Variants in KHDRBS2 observed in about 807,000 individuals in gnomAD.
KHDRBS2 encodes the protein KH domain-containing, RNA-binding, signal transduction-associated protein 2.
A neutral mutation model predicts 44.3 loss-of-function variants in KHDRBS2; 26 were observed. The observed-to-expected ratio is 0.59, with a 90% CI of 0.43 to 0.81. The LOEUF is 0.81. KHDRBS2 is among the 40% of genes least tolerant of loss of function. The pLI, the probability that KHDRBS2 is intolerant of heterozygous loss-of-function variation, is 0.00. For synonymous variants in KHDRBS2, 194 were observed against 151.1 expected, an observed-to-expected ratio of 1.28 and a Z score of -2.08; for missense variants, 476 against 433.1, an observed-to-expected ratio of 1.10 and a Z score of -0.88.
chr6:62,107,468 T>C (rs1803722056), intron 2 of KHDRBS2, among the ~76,000 whole-genome samples: 1 of 151,998 alleles, frequency 6.6e-6, no homozygotes, highest in African/African-American at 2.4e-5. Context: ...GAAAGAACAT[T>C]CCATGCTCAT....
chr6:62,042,609 G>A lies in KHDRBS2; in HGVS notation c.336+5269C>T, dbSNP rs549913470. Among the ~76,000 whole-genome samples the A allele has an allele frequency of 2.0e-5, 3 of 152,196 alleles. No homozygotes were observed. In the South Asian group the frequency reaches 6.2e-4, roughly 32 times the overall value. On this transcript the variant is annotated intron_variant, in intron 3 of 8. Transcript: ENST00000281156. The stretch of plus-strand genomic sequence containing the variant: ...GAGACTATTATGCTGTTTGATGTTA[G>A]GCAGAGCCCAGAAGCCAGATGAGAG...
chr6:62,102,824 G>C (rs1222572633), intron 2 of KHDRBS2, among the ~76,000 whole-genome samples: 1 of 152,172 alleles, frequency 6.6e-6, no homozygotes, highest in Admixed American at 6.5e-5. Context: ...CACCCAGTAA[G>C]GAATGTGTTA....
intron 2 of KHDRBS2, among the ~76,000 whole-genome samples, chr6:62,125,698 C>T (rs1808797356): frequency 2.0e-5 from 3 of 152,126 alleles, no homozygotes; most frequent in Admixed American, 2.0e-4. Flanking sequence ...GGTCCTCATT[C>T]CAGGCACCAG....
chr6:62,080,066 A>C (rs1457398361), intron 2 of KHDRBS2, among the ~76,000 whole-genome samples: 3 of 152,046 alleles, frequency 2.0e-5, no homozygotes, highest in Admixed American at 6.6e-5. Context: ...TTAAATTGTA[A>C]TTATAAAATA....
chr6:62,187,796 T>C (rs181996902), intron 1 of KHDRBS2, among the ~76,000 whole-genome samples: 2 of 152,216 alleles, frequency 1.3e-5, no homozygotes, highest in East Asian at 1.9e-4. Context: ...CAATGCTGTA[T>C]TGTTAATTGT....
chr6:62,007,775 A>G (rs905678023), intron 3 of KHDRBS2, among the ~76,000 whole-genome samples: 9 of 152,106 alleles, frequency 5.9e-5, no homozygotes, highest in East Asian at 3.9e-4. Flanking sequence ...CTTCAGTACC[A>G]TAAGTCAAAA....
intron 3 of KHDRBS2, among the ~76,000 whole-genome samples, chr6:62,024,482 C>T (rs984069989): frequency 4.6e-5 from 7 of 151,420 alleles, no homozygotes; most frequent in African/African-American, 1.4e-4. Context: ...AAAGTTTTGT[C>T]ATATCTCACC....
the KHDRBS2 span, among the ~76,000 whole-genome samples, chr6:61,559,989 G>A: frequency 6.6e-6 from 1 of 152,092 alleles, no homozygotes; most frequent in Admixed American, 6.6e-5. Context: ...TTTCTTGTAG[G>A]ACATGTGTGG....
intron 7 of KHDRBS2, among the ~76,000 whole-genome samples, chr6:61,715,299 C>T (rs1233080398): frequency 1.3e-5 from 2 of 151,802 alleles, no homozygotes; most frequent in Non-Finnish European, 2.9e-5. Context: ...TGATTTTTTC[C>T]AAACATGAAT....
intron 3 of KHDRBS2, among the ~76,000 whole-genome samples, chr6:62,039,406 GTA>G (rs1436226796): frequency 6.6e-6 from 1 of 151,648 alleles, no homozygotes; most frequent in Non-Finnish European, 1.5e-5. Context: ...ATATATGTAT[GTA>G]TGGAGAGAGA....
At chr6:62,065,321 GAC>G (rs1349611617) in intron 2 of KHDRBS2, among the ~76,000 whole-genome samples, 2 of 151,904 alleles carry the variant, frequency 1.3e-5, no homozygotes, top group African/African-American at 2.4e-5. Flanking sequence ...CTGCTATAAA[GAC>G]ACATGCACAT....
At chr6:61,776,687 G>A (rs1484063474) in intron 6 of KHDRBS2, among the ~76,000 whole-genome samples, 1 of 152,174 alleles carries the variant, frequency 6.6e-6, no homozygotes, top group African/African-American at 2.4e-5. Context: ...TACACTGTTG[G>A]TGGGACTGTA....
intron 6 of KHDRBS2, among the ~76,000 whole-genome samples, chr6:61,864,285 G>T (rs1583228257): frequency 6.6e-6 from 1 of 152,104 alleles, no homozygotes; most frequent in African/African-American, 2.4e-5. Flanking sequence ...TTTAAGGATA[G>T]TATTGTTATA....
At chr6:62,221,749 A>C (rs767740436) in intron 1 of KHDRBS2, among the ~76,000 whole-genome samples, 20 of 152,154 alleles carry the variant, frequency 1.3e-4, no homozygotes, top group Non-Finnish European at 2.8e-4. Context: ...ATCAGAAAAA[A>C]AAGGACTCAA....
At chr6:62,092,085 A>C (rs1199490782) in intron 2 of KHDRBS2, among the ~76,000 whole-genome samples, 1 of 151,982 alleles carries the variant, frequency 6.6e-6, no homozygotes, top group African/African-American at 2.4e-5. Context: ...ATATCCAATT[A>C]CACATTTCCT....
At chr6:61,776,777 C>A (rs1209529077) in intron 6 of KHDRBS2, among the ~76,000 whole-genome samples, 1 of 152,166 alleles carries the variant, frequency 6.6e-6, no homozygotes, top group South Asian at 2.1e-4. Flanking sequence ...ACCCAGTCAT[C>A]CCATTATTGG....
At chr6:61,899,084 A>G (rs1364250624) in intron 5 of KHDRBS2, among the ~76,000 whole-genome samples, 1 of 152,034 alleles carries the variant, frequency 6.6e-6, no homozygotes, top group African/African-American at 2.4e-5. Context: ...GGGAGAAAAC[A>G]TAACTTCTTA....
intron 6 of KHDRBS2, among the ~76,000 whole-genome samples, chr6:61,872,990 A>C (rs1798881090): frequency 2.0e-5 from 3 of 152,146 alleles, no homozygotes; most frequent in Admixed American, 2.0e-4. Context: ...GGAAAAATGA[A>C]ACCTAAATAT....
intron 2 of KHDRBS2, among the ~76,000 whole-genome samples, chr6:62,135,831 C>T (rs1412034756): frequency 1.3e-5 from 2 of 151,758 alleles, no homozygotes; most frequent in African/African-American, 4.8e-5. Flanking sequence ...GAAAATACAG[C>T]ATAGTCTTTT....
Sources: gnomAD v4.1 joint callset for allele counts (sites outside exome capture counted in the v4.1 genomes callset) on GRCh38, gnomAD v4.1.1 for gene constraint, MANE v1.5 for transcripts, NCBI Gene and HGNC (gene_info 2026-07-23, HGNC 2026-07-21) for gene names.